MRTFB: variants seen among roughly 807,000 people sequenced by gnomAD.
MRTFB encodes myocardin-related transcription factor B.
MRTFB carries 29 observed loss-of-function variants against 104.2 expected under a neutral mutation model. The observed-to-expected ratio is 0.28, with a 90% confidence interval of 0.21 to 0.38. The LOEUF (loss-of-function observed/expected upper bound fraction) is 0.38. Among genes scored for constraint, MRTFB ranks in the 10% least tolerant of loss-of-function variants. The probability of loss-of-function intolerance (pLI) is 1.00; values close to 1 mark genes in which losing one functional copy is unlikely to be tolerated. For missense variants in MRTFB, 1,270 were observed against 1,341.6 expected, an observed-to-expected ratio of 0.95 and a Z score of 0.83; for synonymous variants, 535 against 519.5, an observed-to-expected ratio of 1.03 and a Z score of -0.41.
At chr16:14,031,912 A>T in the MRTFB span, among the ~76,000 whole-genome samples, 3 of 152,110 alleles carry the variant, frequency 2.0e-5, no homozygotes, top group Non-Finnish European at 4.4e-5. Context: ...GGTTCATGCG[A>T]TTCTCTTGCC....
intron 2 of MRTFB, among the ~76,000 whole-genome samples, chr16:14,129,409 A>G (rs899132562): frequency 2.0e-5 from 3 of 152,164 alleles, no homozygotes; most frequent in African/African-American, 4.8e-5. Flanking sequence ...TTGTTGCTGA[A>G]TATTATTTCA....
At chr16:14,044,958 G>A in the MRTFB span, among the ~76,000 whole-genome samples, 1 of 152,146 alleles carries the variant, frequency 6.6e-6, no homozygotes, top group African/African-American at 2.4e-5. Context: ...GTCCACTCAA[G>A]GCATCTTCCC....
chr16:14,127,378 CG>C lies in MRTFB; in HGVS notation c.-63-13163del, dbSNP rs560615097. On this transcript the variant is annotated intron_variant, in intron 2 of 16. Coordinates refer to ENST00000571589, the MANE Select transcript of MRTFB (RefSeq NM_001308142.2). Reference sequence around the variant, plus strand: ...ATTCAAAGATAACAAGACTAAGGGCCGGGTGCGGTAAGTATCTTTGTCTTAC... The same window carrying C: ...ATTCAAAGATAACAAGACTAAGGGCCGGTGCGGTAAGTATCTTTGTCTTAC... Among the ~76,000 whole-genome samples, 86 of 152,078 alleles carry C rather than the reference CG, an allele frequency of 5.7e-4. 1 individual carries two copies. The highest frequency in any genetic ancestry group is 2.0e-3 in the African/African-American group (84 of 41,498).
At position 14,247,462 on chromosome 16, in the gene MRTFB, G is replaced by C. The variant is rs781264934; in HGVS notation, c.2202G>C (p.Ser734=). The C allele has an allele frequency of 1.3e-6, 2 of 1,590,282 alleles. No individual in the cohort carries two copies. The highest frequency in any genetic ancestry group is 1.7e-6 in the Non-Finnish European group (2 of 1,172,886). Residue 734 remains serine, a synonymous_variant, in exon 12 of 17, where the codon TCG becomes TCC. Coordinates refer to ENST00000571589, the MANE Select transcript of MRTFB (RefSeq NM_001308142.2). ...QLLLPVSIQG[S]SVTSVQLPVG... is the part of the protein sequence containing the mutation. Reference sequence around the variant, plus strand: ...TGCTCCCAGTGTCCATCCAGGGCTCGAGTGTCACCTCAGTGCAACTCCCTG... The same window carrying C: ...TGCTCCCAGTGTCCATCCAGGGCTCCAGTGTCACCTCAGTGCAACTCCCTG...
the MRTFB span, among the ~76,000 whole-genome samples, chr16:14,031,070 A>G: frequency 1.3e-5 from 2 of 152,204 alleles, no homozygotes; most frequent in African/African-American, 4.8e-5. Context: ...CATGGCCAGT[A>G]GCCCCAAATG....
the MRTFB span, among the ~76,000 whole-genome samples, chr16:14,011,300 C>G: frequency 2.0e-5 from 3 of 152,226 alleles, no homozygotes; most frequent in Admixed American, 1.3e-4. Context: ...TGCTACCCAG[C>G]TGAGCCATCA....
intron 16 of MRTFB, among the ~76,000 whole-genome samples, chr16:14,258,917 T>TA (rs1050018396): frequency 3.4e-4 from 52 of 151,916 alleles, no homozygotes; most frequent in African/African-American, 1.0e-3. Context: ...AATCAATATT[T>TA]AAAAAAAAAT....
intron 2 of MRTFB, among the ~76,000 whole-genome samples, chr16:14,096,297 T>C (rs1253451563): frequency 6.6e-6 from 1 of 152,076 alleles, no homozygotes; most frequent in Non-Finnish European, 1.5e-5. Context: ...GGTCTCAAAC[T>C]CCTGACCTCA....
At chr16:14,026,852 A>C in the MRTFB span, among the ~76,000 whole-genome samples, 1 of 147,456 alleles carries the variant, frequency 6.8e-6, no homozygotes, top group Non-Finnish European at 1.5e-5. Context: ...ATGGTGAGCT[A>C]CAACAACACA....
chr16:14,131,596 A>G (rs1364791224), intron 2 of MRTFB, among the ~76,000 whole-genome samples: 1 of 152,170 alleles, frequency 6.6e-6, no homozygotes, highest in Non-Finnish European at 1.5e-5. Flanking sequence ...TGAAAGAAAA[A>G]ACTGTTCTAA....
intron 2 of MRTFB, among the ~76,000 whole-genome samples, chr16:14,114,546 T>C (rs541719521): frequency 1.6e-4 from 24 of 152,352 alleles, no homozygotes; most frequent in African/African-American, 4.8e-4. Context: ...CTGCCTGCAC[T>C]TGAGGCTGCG....
chr16:14,004,041 G>T, the MRTFB span, among the ~76,000 whole-genome samples: 5 of 152,184 alleles, frequency 3.3e-5, no homozygotes, highest in South Asian at 2.1e-4. Flanking sequence ...TTGAGGGTTC[G>T]TTGGGTGGTT....
At chr16:14,040,065 A>C in the MRTFB span, among the ~76,000 whole-genome samples, 1 of 152,218 alleles carries the variant, frequency 6.6e-6, no homozygotes, top group African/African-American at 2.4e-5. Context: ...TGTTCTTGAG[A>C]TCTATCTGCA....
intron 8 of MRTFB, among the ~76,000 whole-genome samples, chr16:14,231,986 C>A (rs2042289877): frequency 6.6e-6 from 1 of 152,122 alleles, no homozygotes; most frequent in South Asian, 2.1e-4. Context: ...GTAGCAAAGT[C>A]ACACTGAAAT....
the MRTFB span, among the ~76,000 whole-genome samples, chr16:14,017,643 A>G: frequency 1.7e-3 from 81 of 48,518 alleles, 6 homozygotes; most frequent in African/African-American, 4.8e-3. Context: ...ATATATATGT[A>G]TATATGTGTG....
chr16:14,167,849 G>C (rs2039296743), intron 3 of MRTFB, among the ~76,000 whole-genome samples: 1 of 152,006 alleles, frequency 6.6e-6, no homozygotes, highest in South Asian at 2.1e-4. Context: ...CGCCGCGCCC[G>C]GCTAATTTTT....
the MRTFB span, among the ~76,000 whole-genome samples, chr16:14,023,604 C>CAT: frequency 3.8e-4 from 50 of 131,788 alleles, no homozygotes; most frequent in Admixed American, 2.8e-3. Context: ...CACACACACA[C>CAT]ACACACATAC....
At chr16:14,131,291 C>G (rs1053691552) in intron 2 of MRTFB, among the ~76,000 whole-genome samples, 1 of 152,154 alleles carries the variant, frequency 6.6e-6, no homozygotes, top group African/African-American at 2.4e-5. Context: ...GAGGCAATCA[C>G]AATCTCATAC....
At chr16:14,166,857 T>A (rs1281072836) in intron 3 of MRTFB, among the ~76,000 whole-genome samples, 1 of 152,238 alleles carries the variant, frequency 6.6e-6, no homozygotes, top group Non-Finnish European at 1.5e-5. Flanking sequence ...TTTTTATGGC[T>A]GCACAGTATT....
Sources: gnomAD v4.1 joint callset for allele counts (sites outside exome capture counted in the v4.1 genomes callset) on GRCh38, gnomAD v4.1.1 for gene constraint, MANE v1.5 for transcripts, NCBI Gene and HGNC (gene_info 2026-07-23, HGNC 2026-07-21) for gene names.